Variants in LNP1 observed in about 807,000 individuals in gnomAD.
The protein encoded by LNP1 is leukemia NUP98 fusion partner 1.
A neutral mutation model predicts 14.5 loss-of-function variants in LNP1; 12 were observed. That is an observed-to-expected ratio of 0.83 (90% CI 0.53 to 1.34). LNP1 has a LOEUF of 1.34. Ranked by LOEUF, LNP1 falls within the 40% of genes most tolerant of loss-of-function variation. LNP1 has a pLI of 0.00. For missense variants in LNP1, 198 were observed against 210.9 expected (o/e 0.94, Z 0.38); for synonymous variants, 75 against 71.4 (o/e 1.05, Z -0.26).
At position 100,429,683 on chromosome 3, in the gene LNP1, T is replaced by A. The variant is rs779551293; in HGVS notation, c.-33-14T>A. ...TCAGCCCTGTTGGGTGATATTTCCC[T>A]CTGTCGCATTTAGGGACAGGCCTTC... is the stretch of plus-strand genomic sequence containing the variant. On this transcript the variant is annotated splice_polypyrimidine_tract_variant and intron_variant, in intron 1 of 3. Transcript: ENST00000383693. 20 of 1,553,026 alleles carry A rather than the reference T, an allele frequency of 1.3e-5. No homozygotes were observed. The highest frequency in any genetic ancestry group is 3.5e-5 in the South Asian group (3 of 86,250).
chr3:100,417,709 CT>C (rs762734948), intron 1 of LNP1, among the ~76,000 whole-genome samples: 2 of 151,942 alleles, frequency 1.3e-5, no homozygotes, highest in Non-Finnish European at 2.9e-5. Flanking sequence ...AGTTTTAAAT[CT>C]TTTTTTCTTT....
Position 100,451,950 on chromosome 3 carries a change from G to A in LNP1, c.387+1G>A, listed in dbSNP as rs771650776. 1.3e-6 allele frequency: 2 copies of A among 1,599,814 alleles called. No homozygotes were observed. Among genetic ancestry groups the A allele is most frequent in the Admixed American group, 3.4e-5 (2 of 58,810 alleles). On this transcript the variant is annotated splice_donor_variant, in intron 3 of 3. Coordinates refer to ENST00000383693, the MANE Select transcript of LNP1 (RefSeq NM_001085451.2). LOFTEE classifies it high-confidence loss of function. ...TAGAACCAAGCGTTCTGCCTCTTTG[G>A]TATGTAACAGAGCTACTGAATATTT...
At chr3:100,452,101 C>A in intron 3 of LNP1, 152 bp downstream of exon 3, 4 of 527,994 alleles carry the variant, frequency 7.6e-6, no homozygotes, top group Non-Finnish European at 9.9e-6. Context: ...TTAACATAAC[C>A]CAGAATGAAT....
chr3:100,452,895 C>T (rs1707473652), intron 3 of LNP1, among the ~76,000 whole-genome samples: 1 of 151,508 alleles, frequency 6.6e-6, no homozygotes, highest in South Asian at 2.1e-4. Context: ...GCAGCATGCT[C>T]ACTGACTGGC....
intron 2 of LNP1, among the ~76,000 whole-genome samples, chr3:100,444,415 A>G (rs1246376401): frequency 2.0e-5 from 3 of 152,238 alleles, no homozygotes; most frequent in Non-Finnish European, 4.4e-5. Context: ...TAACATATTT[A>G]TAGAAATACA....
At chr3:100,409,136 T>C (rs1407982365) in intron 1 of LNP1, among the ~76,000 whole-genome samples, 1 of 152,108 alleles carries the variant, frequency 6.6e-6, no homozygotes, top group Non-Finnish European at 1.5e-5. Flanking sequence ...AGGGCCCAAA[T>C]AGAACAAAAC....
At chr3:100,431,782 A>G (rs1057284932) in intron 2 of LNP1, among the ~76,000 whole-genome samples, 3 of 149,140 alleles carry the variant, frequency 2.0e-5, no homozygotes, top group African/African-American at 7.4e-5. Context: ...CACTTGAACT[A>G]AGGAGTTTGA....
chr3:100,440,318 C>T (rs959209368), intron 2 of LNP1, among the ~76,000 whole-genome samples: 1 of 152,138 alleles, frequency 6.6e-6, no homozygotes, highest in Non-Finnish European at 1.5e-5. Flanking sequence ...TAGTTCAGCC[C>T]ATAACAACAT....
intron 1 of LNP1, among the ~76,000 whole-genome samples, chr3:100,427,571 A>G (rs920743085): frequency 6.6e-6 from 1 of 152,196 alleles, no homozygotes; most frequent in African/African-American, 2.4e-5. Flanking sequence ...TGCTTTAGCC[A>G]TAGTTCAGTG....
Position 100,401,899 on chromosome 3 carries a change from G to A in LNP1, c.-574G>A, listed in dbSNP as rs1470475874. The A allele has an allele frequency of 6.6e-6, 1 of 152,174 alleles. No homozygotes were observed. The highest frequency in any genetic ancestry group is 2.4e-5 in the African/African-American group (1 of 41,428). The allele number at this position is 152,174 out of a possible 1,614,324, so 9.4% of individuals were successfully genotyped here. The stretch of plus-strand genomic sequence containing the variant: ...TGTTAGGGGTTTCTTAAACTGAGTT[G>A]GTAGAAATGCGAAGCGTCAGGGTTC... On this transcript the variant is annotated 5_prime_UTR_variant, in exon 1 of 4. Transcript: ENST00000383693.
In LNP1 at chr3:100,451,838, G is replaced by C. The variant is rs1196285039; in HGVS notation, c.276G>C (p.Gly92=). 8.2e-7 allele frequency: 1 copy of C among 1,226,552 alleles called. No individual in the cohort carries two copies. The highest frequency in any genetic ancestry group is 7.7e-5 in the East Asian group (1 of 12,956). The allele number at this position is 1,226,552 out of a possible 1,614,324, so 76.0% of individuals were successfully genotyped here. ...VRDYRKYSED[G]SFKEPLESKG... ...ATTACAGAAAATACTCAGAGGATGG[G>C]TCATTCAAGGAGCCACTGGAATCAA... The change falls in exon 3 of 4, where the codon GGG becomes GGC. Residue 92 remains glycine, a synonymous_variant. Transcript: ENST00000383693.
chr3:100,435,011 T>A (rs1377685525), intron 2 of LNP1, among the ~76,000 whole-genome samples: 1 of 152,152 alleles, frequency 6.6e-6, no homozygotes. Context: ...CATGGCCCTC[T>A]TAGGGGAGTT....
At chr3:100,403,076 G>A (rs1421406845) in intron 1 of LNP1, among the ~76,000 whole-genome samples, 1 of 152,034 alleles carries the variant, frequency 6.6e-6, no homozygotes, top group Non-Finnish European at 1.5e-5. Context: ...CTAATTGATG[G>A]TACTGTAGAG....
At chr3:100,455,419 A>G (rs1042231044) in intron 3 of LNP1, among the ~76,000 whole-genome samples, 2 of 152,218 alleles carry the variant, frequency 1.3e-5, no homozygotes, top group African/African-American at 4.8e-5. Flanking sequence ...AAAGCTAAGA[A>G]TCATTCCATG....
chr3:100,435,050 A>C (rs1231747536), intron 2 of LNP1, among the ~76,000 whole-genome samples: 3 of 152,128 alleles, frequency 2.0e-5, no homozygotes, highest in Non-Finnish European at 4.4e-5. Context: ...AACACATACT[A>C]TCAAGTGTCA....
chr3:100,453,584 C>CA (rs200163849), intron 3 of LNP1, among the ~76,000 whole-genome samples: 4,606 of 93,200 alleles, frequency 0.049, 306 homozygotes, highest in East Asian at 0.36. Flanking sequence ...GCAAGACTCT[C>CA]AAAAAAAAAA....
chr3:100,407,636 C>T (rs1261904392), intron 1 of LNP1, among the ~76,000 whole-genome samples: 1 of 152,136 alleles, frequency 6.6e-6, no homozygotes, highest in Non-Finnish European at 1.5e-5. Context: ...ATATATTTCT[C>T]CAGGTTTGGG....
intron 2 of LNP1, among the ~76,000 whole-genome samples, chr3:100,442,457 T>C (rs567900566): frequency 7.1e-4 from 108 of 152,234 alleles, no homozygotes; most frequent in Non-Finnish European, 1.1e-3. Flanking sequence ...ACATGAGACA[T>C]CAATCAACAT....
chr3:100,455,685 C>T (rs752628774), intron 3 of LNP1, 92 bp from the exon 4 acceptor site: 133 of 1,232,184 alleles, frequency 1.1e-4, no homozygotes, highest in Non-Finnish European at 1.4e-4. Flanking sequence ...GCTAAACCAT[C>T]AGGGCTTTCT....
Sources: allele counts gnomAD v4.1 joint callset (sites outside exome capture counted in the v4.1 genomes callset), GRCh38; gene constraint gnomAD v4.1.1; transcripts MANE v1.5; gene names NCBI Gene and HGNC (gene_info 2026-07-23, HGNC 2026-07-21).